Variants in GYPB observed in about 807,000 individuals in gnomAD.
The protein encoded by GYPB is glycophorin-B.
GYPB carries 13 observed loss-of-function variants against 15.3 expected under a neutral mutation model. The ratio of observed to expected loss-of-function variants is 0.85; its 90% confidence interval spans 0.55 to 1.35. The LOEUF is 1.35. GYPB is among the 40% of genes most tolerant of loss of function. The pLI is 0.00. For synonymous variants in GYPB, 38 were observed against 36.9 expected, an observed-to-expected ratio of 1.03 and a Z score of -0.11; for missense variants, 131 against 108.3, an observed-to-expected ratio of 1.21 and a Z score of -0.93.
At chr4:144,009,601 C>CTTTTTTTTT (rs55807150) in intron 1 of GYPB, among the ~76,000 whole-genome samples, 9 of 57,804 alleles carry the variant, frequency 1.6e-4, no homozygotes, top group South Asian at 1.0e-3. Flanking sequence ...TTTTTTCTTT[C>CTTTTTTTTT]TTTTTTTTTT....
chr4:144,016,404 C>T (rs1728503868), intron 1 of GYPB, among the ~76,000 whole-genome samples: 1 of 148,652 alleles, frequency 6.7e-6, no homozygotes, highest in Admixed American at 6.7e-5. Context: ...TCTTTCCTTC[C>T]TTCTTTTTTC....
In GYPB at chr4:143,997,629, C is replaced by G; in HGVS notation, c.181G>C (p.Val61Leu). 9 of 1,550,600 alleles carry G rather than the reference C, an allele frequency of 5.8e-6. No individual in the cohort carries two copies. The highest frequency in any genetic ancestry group is 8.0e-6 in the Non-Finnish European group (9 of 1,124,646). ...CACAAAATAATGAGTATTATCACTA[C>G]AGGAGCTAAAGAGAGCAGCAAAATT... ...LVHRFTVPAP[V>L]VIILIILCVM... is the part of the protein sequence containing the mutation. Residue 61 changes from valine to leucine, a missense_variant, in exon 4 of 5, where the codon GTA (valine) becomes CTA (leucine). Physicochemically the swap from Val to Leu is conservative, Grantham distance 32. Coordinates refer to ENST00000502664, the MANE Select transcript of GYPB (RefSeq NM_002100.6).
At chr4:144,014,779 A>G (rs568000904) in intron 1 of GYPB, among the ~76,000 whole-genome samples, 1 of 151,652 alleles carries the variant, frequency 6.6e-6, no homozygotes, top group South Asian at 2.1e-4. Context: ...GTAAATTTAT[A>G]TTACGTGTAT....
intron 1 of GYPB, among the ~76,000 whole-genome samples, chr4:144,003,862 G>T (rs146928504): frequency 0.013 from 2,012 of 151,036 alleles, 142 homozygotes; most frequent in African/African-American, 0.047. Flanking sequence ...GCTTTAAAAT[G>T]TGTCCTAAGT....
At chr4:144,005,311 G>A (rs1727850556) in intron 1 of GYPB, among the ~76,000 whole-genome samples, 1 of 152,058 alleles carries the variant, frequency 6.6e-6, no homozygotes, top group East Asian at 1.9e-4. Context: ...TCCAGATCTC[G>A]CTGCCTGGTT....
chr4:144,014,063 C>A (rs1404085835), intron 1 of GYPB, among the ~76,000 whole-genome samples: 1 of 151,524 alleles, frequency 6.6e-6, no homozygotes, highest in African/African-American at 2.5e-5. Flanking sequence ...CCACTTCATA[C>A]CCTCTGAAAT....
At chr4:144,013,904 A>T (rs1460454161) in intron 1 of GYPB, among the ~76,000 whole-genome samples, 2 of 150,764 alleles carry the variant, frequency 1.3e-5, no homozygotes, top group Non-Finnish European at 1.5e-5. Flanking sequence ...GTACCCTAAA[A>T]CTTAAAGTAT....
chr4:144,012,383 A>G (rs1195652478), intron 1 of GYPB: 1 of 151,534 alleles, frequency 6.6e-6, no homozygotes, highest in East Asian at 1.9e-4. Flanking sequence ...TTTTTGTTCC[A>G]TCATTATACA....
At chr4:144,015,756 A>G (rs1728454089) in intron 1 of GYPB, among the ~76,000 whole-genome samples, 1 of 151,266 alleles carries the variant, frequency 6.6e-6, no homozygotes, top group Non-Finnish European at 1.5e-5. Flanking sequence ...TGCTAAATAT[A>G]TTTACAGGTT....
chr4:143,998,508 A>G lies in GYPB; in HGVS notation c.176-874T>C, dbSNP rs565274799. ...ATGTATGCGATAGTGATGAAGTTCTATGATGTGCTTTTTACCCTGTGAGCC... is the reference window on the plus strand; with the variant it reads ...ATGTATGCGATAGTGATGAAGTTCTGTGATGTGCTTTTTACCCTGTGAGCC... On this transcript the variant is annotated intron_variant, in intron 3 of 4. Coordinates refer to ENST00000502664, the MANE Select transcript of GYPB (RefSeq NM_002100.6). Among the ~76,000 whole-genome samples the G allele has an allele frequency of 8.1e-5, 12 of 148,744 alleles. No homozygotes were observed. In the East Asian group the frequency reaches 1.8e-3, roughly 22 times the overall value.
intron 1 of GYPB, chr4:144,016,828 C>T (rs1310581801): frequency 2.2e-6 from 1 of 447,460 alleles, no homozygotes; most frequent in East Asian, 7.0e-5. Flanking sequence ...TTTGCTCTTG[C>T]TCTTCCCTCT....
intron 1 of GYPB, among the ~76,000 whole-genome samples, chr4:144,001,988 A>AC (rs1727652892): frequency 1.3e-5 from 2 of 149,678 alleles, no homozygotes; most frequent in Non-Finnish European, 3.0e-5. Flanking sequence ...AAAAAAAAAA[A>AC]ACCACACACG....
chr4:144,011,150 G>A (rs1442816892), intron 1 of GYPB, among the ~76,000 whole-genome samples: 2 of 109,650 alleles, frequency 1.8e-5, no homozygotes, highest in African/African-American at 7.0e-5. Flanking sequence ...GGAGGCTGAG[G>A]CAGGTGGATT....
intron 1 of GYPB, among the ~76,000 whole-genome samples, chr4:144,007,118 T>A (rs1418959380): frequency 1.8e-4 from 27 of 150,682 alleles, no homozygotes; most frequent in African/African-American, 6.5e-4. Flanking sequence ...TTTTGGAAGG[T>A]TTTTATTAAG....
intron 1 of GYPB, among the ~76,000 whole-genome samples, chr4:144,004,968 T>G (rs1161973648): frequency 6.6e-6 from 1 of 151,880 alleles, no homozygotes; most frequent in Non-Finnish European, 1.5e-5. Flanking sequence ...AAACTTTAGT[T>G]TGCCAAAACT....
At position 144,011,366 on chromosome 4, in the gene GYPB, C is replaced by T. The variant is rs527517847; in HGVS notation, c.37+7885G>A. On this transcript the variant is annotated intron_variant, in intron 1 of 4. Transcript: ENST00000502664. ...CTGCACTCCAGCCTGGGCGACAGAA[C>T]GAGACTCCATCTTCAAAATAAAGCA... Among the ~76,000 whole-genome samples, 121 of 151,206 alleles carry T rather than the reference C, an allele frequency of 8.0e-4. 1 individual carries two copies. The Middle Eastern group carries it at 0.02, about 26-fold the overall frequency.
rs61606160 is a variant in GYPB, at chr4:144,015,807, T to G, written c.37+3444A>C. Reference sequence around the variant, plus strand: ...CTCATCTCAGGCTGAATTTTGGGGATTTATTGGGGTTTACAGATGAAAAAT... The same window carrying G: ...CTCATCTCAGGCTGAATTTTGGGGAGTTATTGGGGTTTACAGATGAAAAAT... On this transcript the variant is annotated intron_variant, in intron 1 of 4. Coordinates refer to ENST00000502664, the MANE Select transcript of GYPB (RefSeq NM_002100.6). 3.0e-3 allele frequency among the ~76,000 whole-genome samples: 454 copies of G among 151,110 alleles called. 22 individuals carry two copies. In the East Asian group the frequency reaches 0.08, roughly 27 times the overall value.
chr4:144,000,877 C>G (rs1727585517), intron 2 of GYPB, among the ~76,000 whole-genome samples: 1 of 151,188 alleles, frequency 6.6e-6, no homozygotes, highest in South Asian at 2.1e-4. Flanking sequence ...ATTTTGCCCA[C>G]AGACCCTCCG....
chr4:143,996,843 G>T (rs1445787026), intron 4 of GYPB, among the ~76,000 whole-genome samples: 1 of 150,596 alleles, frequency 6.6e-6, no homozygotes, highest in Non-Finnish European at 1.5e-5. Flanking sequence ...GTGGAAATTT[G>T]TAAAATCTGT....
Sources: allele counts gnomAD v4.1 joint callset (sites outside exome capture counted in the v4.1 genomes callset), GRCh38; gene constraint gnomAD v4.1.1; transcripts MANE v1.5; gene names NCBI Gene and HGNC (gene_info 2026-07-23, HGNC 2026-07-21).